Variants in TBCK observed in about 807,000 individuals in gnomAD.
TBCK encodes the protein TBC domain-containing protein kinase-like protein.
TBCK carries 99 observed loss-of-function variants against 113.4 expected under a neutral mutation model. The observed-to-expected ratio is 0.87, with a 90% CI of 0.74 to 1.03. The LOEUF (loss-of-function observed/expected upper bound fraction) is 1.03, where lower values mean the gene tolerates loss of function less well. TBCK is among the 50% of genes least tolerant of loss of function. The pLI is 0.00. For missense variants in TBCK, 1,045 were observed against 1,061.3 expected (o/e 0.98, Z 0.21); for synonymous variants, 369 against 370.8 (o/e 1.00, Z 0.05).
At chr4:106,312,362 G>C (rs1768290434) in intron 1 of TBCK, among the ~76,000 whole-genome samples, 1 of 152,148 alleles carries the variant, frequency 6.6e-6, no homozygotes, top group Middle Eastern at 3.4e-3. Context: ...ACATGAAAAA[G>C]TTCTTAATAT....
At chr4:106,307,538 A>C (rs944379216) in intron 2 of TBCK, among the ~76,000 whole-genome samples, 8 of 152,164 alleles carry the variant, frequency 5.3e-5, no homozygotes, top group African/African-American at 1.9e-4. Flanking sequence ...TATTTTCAGC[A>C]AAACAGTAAA....
intron 25 of TBCK, among the ~76,000 whole-genome samples, chr4:106,082,654 G>A (rs1739018711): frequency 6.6e-6 from 1 of 152,008 alleles, no homozygotes; most frequent in African/African-American, 2.4e-5. Context: ...ATAAAGAAAA[G>A]AAGTTCAGGG....
chr4:106,204,751 A>ATTTTTTTTTTTTTTTTTT, intron 20 of TBCK, among the ~76,000 whole-genome samples: 1 of 87,272 alleles, frequency 1.1e-5, no homozygotes, highest in Non-Finnish European at 2.2e-5. Context: ...ACAAACAATG[A>ATTTTTTTTTTTTTTTTTT]TTTTTTTTTT....
At chr4:106,151,925 T>C (rs1560726379) in intron 23 of TBCK, among the ~76,000 whole-genome samples, 2 of 152,048 alleles carry the variant, frequency 1.3e-5, no homozygotes, top group Non-Finnish European at 2.9e-5. Flanking sequence ...GATTTTTATA[T>C]ATGTTGCTTT....
At chr4:106,131,035 CAT>C (rs1273501958) in intron 23 of TBCK, among the ~76,000 whole-genome samples, 1 of 152,150 alleles carries the variant, frequency 6.6e-6, no homozygotes, top group African/African-American at 2.4e-5. Context: ...GTAATCCCCA[CAT>C]GTCAAAGATA....
intron 12 of TBCK, among the ~76,000 whole-genome samples, chr4:106,241,159 T>C (rs1484083898): frequency 1.3e-5 from 2 of 151,880 alleles, no homozygotes; most frequent in Non-Finnish European, 2.9e-5. Flanking sequence ...TATATATATA[T>C]ATTCTATATA....
intron 25 of TBCK, among the ~76,000 whole-genome samples, chr4:106,086,380 AG>A (rs1166842441): frequency 1.3e-5 from 2 of 152,236 alleles, no homozygotes; most frequent in Non-Finnish European, 2.9e-5. Context: ...AGACTAAACC[AG>A]GAAGAAGTTG....
At chr4:106,161,529 G>A (rs1420921899) in intron 23 of TBCK, among the ~76,000 whole-genome samples, 1 of 152,086 alleles carries the variant, frequency 6.6e-6, no homozygotes, top group Non-Finnish European at 1.5e-5. Flanking sequence ...AAAGGAAATA[G>A]GAGAAAGTGT....
At chr4:106,112,999 T>C (rs996931971) in intron 24 of TBCK, among the ~76,000 whole-genome samples, 3 of 152,236 alleles carry the variant, frequency 2.0e-5, no homozygotes, top group Non-Finnish European at 4.4e-5. Context: ...GCAAACACCA[T>C]GTTACACATG....
intron 23 of TBCK, among the ~76,000 whole-genome samples, chr4:106,129,019 C>T (rs1745553774): frequency 6.6e-6 from 1 of 152,066 alleles, no homozygotes; most frequent in Non-Finnish European, 1.5e-5. Context: ...TGGCATCATT[C>T]TATTCTTTTA....
intron 3 of TBCK, among the ~76,000 whole-genome samples, chr4:106,264,223 A>G (rs752658967): frequency 5.0e-5 from 6 of 119,434 alleles, no homozygotes; most frequent in Non-Finnish European, 1.1e-4. Flanking sequence ...AGATAATGTG[A>G]CATGTAGTGA....
intron 5 of TBCK, among the ~76,000 whole-genome samples, chr4:106,257,871 A>T (rs891399225): frequency 1.6e-4 from 25 of 152,088 alleles, no homozygotes; most frequent in African/African-American, 5.1e-4. Flanking sequence ...AAATAAAAAT[A>T]AAAAATTTAA....
chr4:106,160,110 T>C (rs759752505), intron 23 of TBCK, among the ~76,000 whole-genome samples: 14 of 151,970 alleles, frequency 9.2e-5, no homozygotes, highest in Non-Finnish European at 1.8e-4. Context: ...CCTAATAACA[T>C]ATACAAAAAT....
At chr4:106,282,435 T>C (rs1189334648) in intron 3 of TBCK, among the ~76,000 whole-genome samples, 2 of 152,072 alleles carry the variant, frequency 1.3e-5, no homozygotes, top group Non-Finnish European at 2.9e-5. Flanking sequence ...ATTTTTTTTC[T>C]TCTACTAATT....
intron 6 of TBCK, 74 bp downstream of exon 6, chr4:106,251,792 A>C: frequency 7.7e-7 from 1 of 1,290,784 alleles, no homozygotes. Context: ...ACTATTATTA[A>C]CTTTCCTCTC....
chr4:106,164,086 T>C (rs906667995), intron 23 of TBCK, among the ~76,000 whole-genome samples: 2 of 152,110 alleles, frequency 1.3e-5, no homozygotes, highest in Non-Finnish European at 2.9e-5. Flanking sequence ...AAATGTCTTC[T>C]ACTTAACTTC....
chr4:106,117,068 T>C (rs73836993), intron 23 of TBCK, among the ~76,000 whole-genome samples: 1,726 of 152,218 alleles, frequency 0.011, 35 homozygotes, highest in African/African-American at 0.037. Context: ...GTGTAACTGA[T>C]ACCTTACTAT....
At chr4:106,237,569 T>C (rs1759613405) in intron 12 of TBCK, 1 of 455,154 alleles carries the variant, frequency 2.2e-6, no homozygotes, top group Non-Finnish European at 4.4e-6. Flanking sequence ...ATTCAAGCTG[T>C]GTGTGCAGCA....
intron 20 of TBCK, among the ~76,000 whole-genome samples, chr4:106,203,974 C>T (rs1463007299): frequency 1.3e-5 from 2 of 152,130 alleles, no homozygotes; most frequent in African/African-American, 2.4e-5. Flanking sequence ...CCTCCTCTGA[C>T]AGAGTATTCA....
Sources: allele counts gnomAD v4.1 joint callset (sites outside exome capture counted in the v4.1 genomes callset), GRCh38; gene constraint gnomAD v4.1.1; transcripts MANE v1.5; gene names NCBI Gene and HGNC (gene_info 2026-07-23, HGNC 2026-07-21).